The following SCN9A variants were observed in gnomAD, a reference collection of about 807,000 sequenced individuals.
SCN9A encodes sodium channel protein type 9 subunit alpha.
SCN9A carries 131 observed loss-of-function variants against 187.0 expected under a neutral mutation model. That is an observed-to-expected ratio of 0.70 (90% CI 0.61 to 0.81). SCN9A has a LOEUF of 0.81. SCN9A is among the 30% of genes least tolerant of loss of function. The probability of loss-of-function intolerance (pLI) is 0.00; values close to 1 mark genes in which losing one functional copy is unlikely to be tolerated. For missense variants in SCN9A, 2,252 were observed against 2,396.6 expected (o/e 0.94, Z 1.26); for synonymous variants, 809 against 808.6 (o/e 1.00, Z -0.01).
At chr2:166,330,517 T>C (rs1436577025) in intron 1 of SCN9A, among the ~76,000 whole-genome samples, 1 of 152,182 alleles carries the variant, frequency 6.6e-6, no homozygotes, top group Non-Finnish European at 1.5e-5. Flanking sequence ...CTGCATAATA[T>C]TCCAGTGTAT....
intron 12 of SCN9A, among the ~76,000 whole-genome samples, chr2:166,283,475 T>C (rs1185026075): frequency 6.6e-6 from 1 of 152,186 alleles, no homozygotes; most frequent in East Asian, 1.9e-4. Flanking sequence ...CCCTTGCTGA[T>C]ATTGGTAATG....
chr2:166,242,474 A>T, intron 19 of SCN9A, 28 bp downstream of exon 19: 1 of 1,517,594 alleles, frequency 6.6e-7, no homozygotes, highest in East Asian at 2.4e-5. Flanking sequence ...CTTAATCAAT[A>T]TATTGACTTA....
intron 22 of SCN9A, among the ~76,000 whole-genome samples, chr2:166,228,280 A>G (rs1202456511): frequency 7.5e-6 from 1 of 132,694 alleles, no homozygotes; most frequent in African/African-American, 3.1e-5. Flanking sequence ...TTTTGAGACA[A>G]GAGTCTCGCT....
At position 166,199,631 on chromosome 2, in the gene SCN9A, T is replaced by A. The variant is rs751948774; in HGVS notation, c.5008A>T (p.Lys1670Ter). The A allele has an allele frequency of 5.0e-6, 8 of 1,614,058 alleles. No individual in the cohort carries two copies. Among genetic ancestry groups the A allele is most frequent in the African/African-American group, 1.3e-5 (1 of 74,906 alleles). Residue 1670 changes from lysine to a stop codon, truncating the protein, a stop_gained, in exon 27 of 27, where the codon AAA becomes TAA. Transcript: ENST00000642356. LOFTEE classifies it high-confidence loss of function. ...ATGTCATTAATTCCATCTTCCTTTT[T>A]AACATAGGCAAAGTTGGACATTCCA... is the stretch of plus-strand genomic sequence containing the variant. ...IFGMSNFAYV[K>*]KEDGINDMFN...
intron 16 of SCN9A, among the ~76,000 whole-genome samples, chr2:166,274,024 G>A (rs910960273): frequency 4.6e-5 from 7 of 152,108 alleles, no homozygotes; most frequent in African/African-American, 9.7e-5. Flanking sequence ...TTTAATAGTT[G>A]TCAATGAAAA....
At chr2:166,217,420 G>A (rs1012345948) in intron 24 of SCN9A, among the ~76,000 whole-genome samples, 1 of 151,920 alleles carries the variant, frequency 6.6e-6, no homozygotes, top group Admixed American at 6.6e-5. Flanking sequence ...AGTGGAGAGA[G>A]AGATCATGGA....
At chr2:166,322,333 T>C (rs1699265299) in intron 1 of SCN9A, among the ~76,000 whole-genome samples, 1 of 152,186 alleles carries the variant, frequency 6.6e-6, no homozygotes, top group African/African-American at 2.4e-5. Flanking sequence ...TTCTATTCCA[T>C]ACAGAACAAT....
At chr2:166,284,008 A>T (rs574497063) in intron 12 of SCN9A, among the ~76,000 whole-genome samples, 37 of 152,228 alleles carry the variant, frequency 2.4e-4, no homozygotes, top group Non-Finnish European at 3.4e-4. Flanking sequence ...GCTGTTATTA[A>T]CAACTCAAAT....
At chr2:166,333,171 C>T (rs1699548650) in intron 1 of SCN9A, among the ~76,000 whole-genome samples, 1 of 152,000 alleles carries the variant, frequency 6.6e-6, no homozygotes. Flanking sequence ...AAAGAATACA[C>T]AGTCAGTTAA....
intron 1 of SCN9A, among the ~76,000 whole-genome samples, chr2:166,369,467 G>A (rs1700497785): frequency 6.6e-6 from 1 of 152,112 alleles, no homozygotes; most frequent in Admixed American, 6.6e-5. Flanking sequence ...GATCTCATGG[G>A]ATTATAAGAA....
intron 1 of SCN9A, among the ~76,000 whole-genome samples, chr2:166,327,140 T>C (rs1476777317): frequency 6.6e-6 from 1 of 152,166 alleles, no homozygotes; most frequent in Non-Finnish European, 1.5e-5. Flanking sequence ...AAAGTATGAG[T>C]TTAAATTTTT....
chr2:166,228,448 G>A (rs1318062213), intron 22 of SCN9A, among the ~76,000 whole-genome samples: 4 of 151,352 alleles, frequency 2.6e-5, no homozygotes, highest in African/African-American at 9.7e-5. Flanking sequence ...TAGTAGAGAT[G>A]GGGTTTCACT....
At chr2:166,308,381 C>G (rs1574909032) in intron 2 of SCN9A, among the ~76,000 whole-genome samples, 1 of 151,988 alleles carries the variant, frequency 6.6e-6, no homozygotes, top group Non-Finnish European at 1.5e-5. Flanking sequence ...GAGCGGTTTC[C>G]CCAGTGCTGT....
In SCN9A at chr2:166,248,142, C is replaced by G. The variant is rs954354433; in HGVS notation, c.3472+3623G>C. 5 of 152,200 alleles carry G rather than the reference C, an allele frequency of 3.3e-5. No homozygotes were observed. The South Asian group carries it at 1.0e-3, about 32-fold the overall frequency. 9.4% of individuals were successfully genotyped at this position (152,200 alleles called of 1,614,324 possible). A position where few individuals can be genotyped will look rare whatever the true frequency, so the allele number is the denominator to read the frequency against. On this transcript the variant is annotated intron_variant, in intron 18 of 26. Coordinates refer to ENST00000642356, the MANE Select transcript of SCN9A (RefSeq NM_001365536.1). ...ATTTATCTTCAGTAAAAACATGCTA[C>G]TTGGATTTAATTCTTTTTCATACTT...
intron 1 of SCN9A, chr2:166,321,303 T>C (rs1658702925): frequency 6.6e-6 from 1 of 152,056 alleles, no homozygotes; most frequent in Non-Finnish European, 1.5e-5. Flanking sequence ...GTGAATCACT[T>C]GAGGGCAGGA....
intron 7 of SCN9A, among the ~76,000 whole-genome samples, chr2:166,300,414 A>T (rs1225464047): frequency 8.0e-5 from 12 of 150,880 alleles, no homozygotes; most frequent in African/African-American, 3.0e-4. Flanking sequence ...TATCTTTTAG[A>T]TCTCAGCTTA....
intron 2 of SCN9A, among the ~76,000 whole-genome samples, chr2:166,311,052 T>A (rs1698924320): frequency 1.1e-5 from 1 of 87,814 alleles, no homozygotes; most frequent in Non-Finnish European, 2.1e-5. Context: ...AACAATGAAA[T>A]CACATGGACA....
intron 24 of SCN9A, among the ~76,000 whole-genome samples, chr2:166,213,338 C>A (rs1242433114): frequency 6.6e-6 from 1 of 151,230 alleles, no homozygotes; most frequent in Admixed American, 6.6e-5. Context: ...AAAGAGACTA[C>A]CATGAACAAT....
At position 166,311,280 on chromosome 2, in the gene SCN9A, C is replaced by T. The variant is rs552452362; in HGVS notation, c.258+219G>A. Among the ~76,000 whole-genome samples the T allele has an allele frequency of 6.0e-3, 726 of 121,962 alleles. 40 individuals are homozygous for T. The highest frequency in any genetic ancestry group is 0.021 in the African/African-American group (684 of 32,532). The allele number at this position is 121,962 out of a possible 152,430, so 80.0% of individuals were successfully genotyped here. ...AAAAATTAAAAGTAGTATGCCAATG[C>T]CAGAGCCAATTTCAATGAAAAATTT... On this transcript the variant is annotated intron_variant, in intron 2 of 26. Coordinates refer to ENST00000642356, the MANE Select transcript of SCN9A (RefSeq NM_001365536.1).
Sources: allele counts gnomAD v4.1 joint callset (sites outside exome capture counted in the v4.1 genomes callset), GRCh38; gene constraint gnomAD v4.1.1; transcripts MANE v1.5; gene names NCBI Gene and HGNC (gene_info 2026-07-23, HGNC 2026-07-21).